VOPP1: variants seen among roughly 807,000 people sequenced by gnomAD.
VOPP1 encodes WW domain binding protein VOPP1.
A neutral mutation model predicts 23.5 loss-of-function variants in VOPP1; 8 were observed. The observed-to-expected ratio is 0.34, with a 90% CI of 0.20 to 0.61. VOPP1 has a LOEUF of 0.61. VOPP1 is among the 20% of genes least tolerant of loss of function. The pLI, the probability that VOPP1 is intolerant of heterozygous loss-of-function variation, is 0.78. For synonymous variants in VOPP1, 83 were observed against 97.3 expected, an observed-to-expected ratio of 0.85 and a Z score of 0.86; for missense variants, 174 against 238.1, an observed-to-expected ratio of 0.73 and a Z score of 1.77.
chr7:55,523,436 T>C (rs1262926674), intron 1 of VOPP1, among the ~76,000 whole-genome samples: 1 of 152,086 alleles, frequency 6.6e-6, no homozygotes, highest in Non-Finnish European at 1.5e-5. Context: ...AAGTTGATCA[T>C]AAGAACTGGG....
intron 1 of VOPP1, among the ~76,000 whole-genome samples, chr7:55,532,164 A>G (rs959152516): frequency 1.3e-5 from 2 of 152,248 alleles, no homozygotes; most frequent in Admixed American, 1.3e-4. Flanking sequence ...AGATGTGACT[A>G]AAGTCTGACT....
At chr7:55,538,764 ATGCTG>A in intron 1 of VOPP1, 2 of 1,014,326 alleles carry the variant, frequency 2.0e-6, no homozygotes, top group South Asian at 3.1e-5. Context: ...TCTAAGGGGA[ATGCTG>A]TGGGTTTGAG....
intron 2 of VOPP1, among the ~76,000 whole-genome samples, chr7:55,505,960 C>G (rs1374294295): frequency 1.3e-5 from 2 of 152,184 alleles, no homozygotes; most frequent in African/African-American, 4.8e-5. Context: ...ACTGATGCCC[C>G]GTCTCACGGT....
chr7:55,523,628 C>T (rs1796005914), intron 1 of VOPP1, among the ~76,000 whole-genome samples: 1 of 152,202 alleles, frequency 6.6e-6, no homozygotes, highest in South Asian at 2.1e-4. Context: ...CAAAACTTTA[C>T]TTAGTGCCAA....
At chr7:55,570,698 T>C (rs1355982760) in intron 1 of VOPP1, among the ~76,000 whole-genome samples, 1 of 152,040 alleles carries the variant, frequency 6.6e-6, no homozygotes, top group Non-Finnish European at 1.5e-5. Flanking sequence ...TCCTAGCACT[T>C]TGGGAGGCCG....
chr7:55,521,649 A>T (rs1343770289), intron 1 of VOPP1: 2 of 987,592 alleles, frequency 2.0e-6, no homozygotes, highest in East Asian at 2.3e-4. Context: ...AAGAAGGAAC[A>T]AGGAAAGACA....
At chr7:55,482,104 G>T (rs2129013528) in intron 4 of VOPP1, among the ~76,000 whole-genome samples, 1 of 152,004 alleles carries the variant, frequency 6.6e-6, no homozygotes, top group East Asian at 1.9e-4. Flanking sequence ...TATAAAAGGT[G>T]ATTTTTATCA....
intron 2 of VOPP1, among the ~76,000 whole-genome samples, chr7:55,516,232 G>C (rs1795401011): frequency 6.6e-6 from 1 of 152,206 alleles, no homozygotes; most frequent in Non-Finnish European, 1.5e-5. Flanking sequence ...GGAAGTGAAG[G>C]GGGAAAGAAA....
At chr7:55,550,069 C>A (rs191827291) in intron 1 of VOPP1, among the ~76,000 whole-genome samples, 7 of 152,352 alleles carry the variant, frequency 4.6e-5, no homozygotes, top group Non-Finnish European at 1.0e-4. Context: ...CAGCCGTGCA[C>A]AGGCGCTACT....
At chr7:55,447,546 G>A (rs1201368625) in intron 4 of VOPP1, among the ~76,000 whole-genome samples, 1 of 152,176 alleles carries the variant, frequency 6.6e-6, no homozygotes, top group African/African-American at 2.4e-5. Flanking sequence ...CAAGAGGAGG[G>A]CTGTCTGAAT....
chr7:55,548,158 C>T (rs1434897052), intron 1 of VOPP1, among the ~76,000 whole-genome samples: 5 of 152,238 alleles, frequency 3.3e-5, no homozygotes. Flanking sequence ...CCCTTGCATT[C>T]TATTTCGTTT....
At chr7:55,543,363 A>C (rs1275003235) in intron 1 of VOPP1, among the ~76,000 whole-genome samples, 1 of 152,240 alleles carries the variant, frequency 6.6e-6, no homozygotes, top group Non-Finnish European at 1.5e-5. Context: ...GAGTACAAAT[A>C]TCTCTTCAAT....
At chr7:55,548,098 T>C (rs968582798) in intron 1 of VOPP1, among the ~76,000 whole-genome samples, 1 of 152,238 alleles carries the variant, frequency 6.6e-6, no homozygotes, top group African/African-American at 2.4e-5. Context: ...TGACACTCAG[T>C]GGGATGCAAA....
At chr7:55,504,815 G>A (rs1290577218) in intron 2 of VOPP1, among the ~76,000 whole-genome samples, 1 of 152,196 alleles carries the variant, frequency 6.6e-6, no homozygotes, top group African/African-American at 2.4e-5. Flanking sequence ...TCTTTATTAG[G>A]AAGAATCCCA....
At chr7:55,536,507 T>G (rs1796800012) in intron 1 of VOPP1, among the ~76,000 whole-genome samples, 1 of 152,036 alleles carries the variant, frequency 6.6e-6, no homozygotes, top group Non-Finnish European at 1.5e-5. Flanking sequence ...GCAGCCTGGG[T>G]GAGAGTGACA....
At chr7:55,515,303 A>G (rs918599808) in intron 2 of VOPP1, among the ~76,000 whole-genome samples, 2 of 152,054 alleles carry the variant, frequency 1.3e-5, no homozygotes, top group South Asian at 2.1e-4. Flanking sequence ...GGCCCAGGTA[A>G]CCTCTGGCAG....
intron 4 of VOPP1, among the ~76,000 whole-genome samples, chr7:55,473,750 T>C (rs1466827187): frequency 6.6e-6 from 1 of 152,196 alleles, no homozygotes; most frequent in Non-Finnish European, 1.5e-5. Flanking sequence ...ATTATGCATA[T>C]GTAAATAAAG....
At chr7:55,526,974 G>C (rs1402231194) in intron 1 of VOPP1, 2 of 152,360 alleles carry the variant, frequency 1.3e-5, no homozygotes, top group Non-Finnish European at 2.9e-5. Context: ...CTTTCAGCTT[G>C]AGCCCAATTA....
At chr7:55,503,755 T>A (rs1794526890) in intron 2 of VOPP1, among the ~76,000 whole-genome samples, 1 of 152,100 alleles carries the variant, frequency 6.6e-6, no homozygotes, top group Admixed American at 6.6e-5. Flanking sequence ...CACGTGAGGA[T>A]GGAACAAGAC....
Sources: gnomAD v4.1 joint callset for allele counts (sites outside exome capture counted in the v4.1 genomes callset) on GRCh38, gnomAD v4.1.1 for gene constraint, MANE v1.5 for transcripts, NCBI Gene and HGNC (gene_info 2026-07-23, HGNC 2026-07-21) for gene names.